SUPT3H: variants seen among roughly 807,000 people sequenced by gnomAD.
SUPT3H encodes the protein transcription initiation protein SPT3 homolog.
A neutral mutation model predicts 44.3 loss-of-function variants in SUPT3H; 44 were observed. The ratio of observed to expected loss-of-function variants is 0.99; its 90% CI spans 0.78 to 1.28. The LOEUF (loss-of-function observed/expected upper bound fraction) is 1.28. Ranked by LOEUF, SUPT3H falls within the 50% of genes most tolerant of loss-of-function variation. The pLI is 0.00. For missense variants in SUPT3H, 380 were observed against 387.1 expected (o/e 0.98, Z 0.15); for synonymous variants, 124 against 125.6 (o/e 0.99, Z 0.09).
intron 10 of SUPT3H, among the ~76,000 whole-genome samples, chr6:44,861,831 G>A (rs1034002141): frequency 1.3e-5 from 2 of 152,200 alleles, no homozygotes; most frequent in Non-Finnish European, 2.9e-5. Context: ...AAGCTTGGAA[G>A]TTCTGTGTTT....
chr6:45,233,284 G>C (rs1412153133), intron 2 of SUPT3H, among the ~76,000 whole-genome samples: 1 of 152,252 alleles, frequency 6.6e-6, no homozygotes. Flanking sequence ...AGACATCAGT[G>C]GTGGCTCACA....
intron 2 of SUPT3H, among the ~76,000 whole-genome samples, chr6:45,263,737 C>A (rs904417212): frequency 6.6e-6 from 1 of 152,048 alleles, no homozygotes; most frequent in African/African-American, 2.4e-5. Context: ...TCTTGTATCC[C>A]TACAGTCTCA....
chr6:45,012,521 T>A (rs889427103), intron 5 of SUPT3H, among the ~76,000 whole-genome samples: 1 of 152,140 alleles, frequency 6.6e-6, no homozygotes. Flanking sequence ...TCTGTCTCTA[T>A]TGATACTCTT....
At chr6:45,031,061 C>G (rs909395134) in intron 3 of SUPT3H, among the ~76,000 whole-genome samples, 21 of 152,078 alleles carry the variant, frequency 1.4e-4, no homozygotes, top group African/African-American at 5.1e-4. Flanking sequence ...CTTTCTTTGT[C>G]TCATAACATT....
intron 2 of SUPT3H, among the ~76,000 whole-genome samples, chr6:45,120,337 G>A (rs1211472871): frequency 7.0e-6 from 1 of 143,344 alleles, no homozygotes; most frequent in Non-Finnish European, 1.5e-5. Context: ...ATAATCCCAG[G>A]ATTTTGGGAG....
At chr6:45,338,869 C>T (rs1449740624) in intron 2 of SUPT3H, among the ~76,000 whole-genome samples, 1 of 152,010 alleles carries the variant, frequency 6.6e-6, no homozygotes, top group Non-Finnish European at 1.5e-5. Flanking sequence ...CTCAAAGAGA[C>T]AGCCTCCTTA....
intron 2 of SUPT3H, among the ~76,000 whole-genome samples, chr6:45,187,101 T>TA (rs70996308): frequency 0.19 from 15,314 of 79,726 alleles, 2,093 homozygotes; most frequent in Non-Finnish European, 0.26. Context: ...TTTTCGCCTT[T>TA]AAAAAAAAAA....
At chr6:45,179,074 A>C (rs1388738958) in intron 2 of SUPT3H, among the ~76,000 whole-genome samples, 13 of 152,268 alleles carry the variant, frequency 8.5e-5, no homozygotes, top group Non-Finnish European at 4.4e-5. Flanking sequence ...AGAAATACAA[A>C]CTACCATCAG....
chr6:45,159,354 C>T lies in SUPT3H; in HGVS notation c.102-53348G>A, dbSNP rs896619926. 4 of 152,174 alleles carry T rather than the reference C, an allele frequency of 2.6e-5. No homozygotes were observed. In the South Asian group the frequency reaches 6.2e-4, roughly 24 times the overall value. The allele number at this position is 152,174 out of a possible 1,614,324, so 9.4% of individuals were successfully genotyped here. ...ATCATGAAGTCACTATTCGAAATTA[C>T]TTAATTGGCTGCCTAATTAGGCCTC... is the stretch of plus-strand genomic sequence containing the variant. On this transcript the variant is annotated intron_variant, in intron 2 of 10. Transcript: ENST00000371459.
intron 3 of SUPT3H, among the ~76,000 whole-genome samples, chr6:45,078,473 AG>A (rs1031314191): frequency 5.3e-5 from 8 of 152,124 alleles, no homozygotes; most frequent in Non-Finnish European, 1.2e-4. Context: ...GGGTGTTCTT[AG>A]TTTTATTATA....
chr6:45,009,451 G>A (rs914059213), intron 5 of SUPT3H, among the ~76,000 whole-genome samples: 1 of 152,068 alleles, frequency 6.6e-6, no homozygotes, highest in Non-Finnish European at 1.5e-5. Context: ...TTGAGCCCTT[G>A]TATTTAGGTC....
chr6:44,971,396 C>T (rs1777546740), intron 6 of SUPT3H, among the ~76,000 whole-genome samples: 1 of 152,106 alleles, frequency 6.6e-6, no homozygotes, highest in African/African-American at 2.4e-5. Flanking sequence ...ACTCACATTT[C>T]CACAGAACTG....
At position 45,094,998 on chromosome 6, in the gene SUPT3H, T is replaced by G. The variant is rs73737883; in HGVS notation, c.186+10924A>C. 3.9e-3 allele frequency among the ~76,000 whole-genome samples: 595 copies of G among 152,228 alleles called. 7 individuals carry two copies. Among genetic ancestry groups the G allele is most frequent in the African/African-American group, 0.014 (567 of 41,548 alleles). On this transcript the variant is annotated intron_variant, in intron 3 of 10. Coordinates refer to ENST00000371459, the MANE Select transcript of SUPT3H (RefSeq NM_003599.4). ...TTTTAGTCTGTTTATTCTAAACATA[T>G]GCTTAATTTACTCCACAGTAGCAGA...
At chr6:45,318,454 A>G (rs561834706) in intron 2 of SUPT3H, among the ~76,000 whole-genome samples, 16 of 152,304 alleles carry the variant, frequency 1.1e-4, no homozygotes, top group Non-Finnish European at 1.9e-4. Context: ...ATCAATTGTT[A>G]TTAAGTGTAG....
At chr6:44,844,760 ATG>A (rs1214702878) in intron 10 of SUPT3H, among the ~76,000 whole-genome samples, 3 of 152,190 alleles carry the variant, frequency 2.0e-5, no homozygotes, top group Non-Finnish European at 4.4e-5. Flanking sequence ...ACTGACTATA[ATG>A]AGATGTCAGG....
At chr6:45,355,843 A>C (rs1362534806) in intron 2 of SUPT3H, among the ~76,000 whole-genome samples, 2 of 152,192 alleles carry the variant, frequency 1.3e-5, no homozygotes, top group African/African-American at 4.8e-5. Flanking sequence ...CCAACCAAAA[A>C]GAATGTTATT....
At chr6:44,901,226 A>G (rs1289163035) in intron 10 of SUPT3H, among the ~76,000 whole-genome samples, 1 of 152,206 alleles carries the variant, frequency 6.6e-6, no homozygotes, top group African/African-American at 2.4e-5. Context: ...AACTACTCCG[A>G]GCTAAAGGAG....
intron 2 of SUPT3H, among the ~76,000 whole-genome samples, chr6:45,109,120 G>A (rs147347386): frequency 5.0e-4 from 76 of 152,240 alleles, no homozygotes; most frequent in African/African-American, 1.8e-3. Context: ...TAAGATGGGA[G>A]AGTATTTTCT....
intron 2 of SUPT3H, among the ~76,000 whole-genome samples, chr6:45,133,713 A>G (rs1583742113): frequency 6.6e-6 from 1 of 152,200 alleles, no homozygotes; most frequent in African/African-American, 2.4e-5. Context: ...AGATCTATTT[A>G]TATGGTAGTT....
Sources: allele counts gnomAD v4.1 joint callset (sites outside exome capture counted in the v4.1 genomes callset), GRCh38; gene constraint gnomAD v4.1.1; transcripts MANE v1.5; gene names NCBI Gene and HGNC (gene_info 2026-07-23, HGNC 2026-07-21).